NAT1: variants seen among roughly 807,000 people sequenced by gnomAD.
NAT1 encodes N-acetyltransferase 1.
For synonymous variants in NAT1, 144 were observed against 122.6 expected, an observed-to-expected ratio of 1.17 and a Z score of -1.16; for missense variants, 400 against 339.2, an observed-to-expected ratio of 1.18 and a Z score of -1.41.
chr8:18,223,129 T>G lies in NAT1; in HGVS notation c.*209T>G. On this transcript the variant is annotated 3_prime_UTR_variant, in exon 3 of 3. Transcript: ENST00000307719. ...CCTTTTCAAATAATAATAATAATAA[T>G]AATAAAAAATGTATTTTAAAGATGG... 5.0e-6 allele frequency: 1 copy of G among 201,184 alleles called. No individual in the cohort carries two copies. The highest frequency in any genetic ancestry group is 1.1e-5 in the Non-Finnish European group (1 of 92,934). 12.5% of individuals were successfully genotyped at this position (201,184 alleles called of 1,614,324 possible).
rs1805062297 is a variant in NAT1, at chr8:18,219,483, A to G, written c.-13A>G. Reference sequence around the variant, plus strand: ...AAGATCAACCTACTTTCAACTTACTAAGAAAGGTATTAAGCGCCTTTCTGA... The same window carrying G: ...AAGATCAACCTACTTTCAACTTACTGAGAAAGGTATTAAGCGCCTTTCTGA... On this transcript the variant is annotated 5_prime_UTR_variant, in exon 2 of 3. Coordinates refer to ENST00000307719, the MANE Select transcript of NAT1 (RefSeq NM_000662.8). 6.5e-7 allele frequency: 1 copy of G among 1,547,312 alleles called. No homozygotes were observed. The highest frequency in any genetic ancestry group is 2.0e-5 in the Admixed American group (1 of 50,708).
chr8:18,221,695 A>G, intron 2 of NAT1: 1 of 207,780 alleles, frequency 4.8e-6, no homozygotes, highest in East Asian at 1.3e-4. Context: ...TCCTGCCTAC[A>G]TCAGAAGACG....
chr8:18,198,845 C>T (rs1420179742), intron 2 of NAT1, among the ~76,000 whole-genome samples: 2 of 152,062 alleles, frequency 1.3e-5, no homozygotes, highest in African/African-American at 4.8e-5. Flanking sequence ...CAGCTTGCAG[C>T]AGATGTGAAA....
chr8:18,206,365 G>A (rs549468575), upstream of NAT1, among the ~76,000 whole-genome samples: 70 of 152,200 alleles, frequency 4.6e-4, no homozygotes, highest in African/African-American at 1.5e-3. Flanking sequence ...CAGTCATCTC[G>A]GTCCCTTGGT....
chr8:18,185,859 T>C (rs561385952), intron 2 of NAT1, among the ~76,000 whole-genome samples: 2 of 152,308 alleles, frequency 1.3e-5, no homozygotes, highest in South Asian at 4.1e-4. Context: ...CATTTTGTTA[T>C]ACTTTCAAAA....
intron 2 of NAT1, among the ~76,000 whole-genome samples, chr8:18,172,943 A>G (rs559511060): frequency 6.6e-6 from 1 of 152,272 alleles, no homozygotes; most frequent in Admixed American, 6.5e-5. Flanking sequence ...GTGCCCCTGT[A>G]GAAGAACAAA....
At chr8:18,175,205 T>A (rs1335882049) in intron 2 of NAT1, among the ~76,000 whole-genome samples, 1 of 152,064 alleles carries the variant, frequency 6.6e-6, no homozygotes, top group Non-Finnish European at 1.5e-5. Context: ...ATTGCTTTTT[T>A]TTTGGTGTGA....
intron 2 of NAT1, among the ~76,000 whole-genome samples, chr8:18,186,615 C>T (rs949521578): frequency 2.0e-5 from 3 of 152,020 alleles, no homozygotes; most frequent in African/African-American, 7.2e-5. Flanking sequence ...TTTTTATTTT[C>T]CCATATGTAC....
At chr8:18,185,941 A>G (rs1352770398) in intron 2 of NAT1, among the ~76,000 whole-genome samples, 1 of 152,116 alleles carries the variant, frequency 6.6e-6, no homozygotes, top group African/African-American at 2.4e-5. Flanking sequence ...AAATTTACAA[A>G]TATTTAGAAA....
intron 2 of NAT1, among the ~76,000 whole-genome samples, chr8:18,173,419 C>T (rs532814500): frequency 5.9e-5 from 9 of 152,180 alleles, no homozygotes; most frequent in African/African-American, 1.9e-4. Flanking sequence ...ATTAAAAAAC[C>T]TCCAACATAT....
chr8:18,223,681 G>GCC lies in NAT1; in HGVS notation c.*767_*768dup, dbSNP rs1331307107. ...TAAAAGTTATTGTTCCATCTTGCTT[G>GCC]CCCCCCCACCCCTGTCATCTGCCTG... On this transcript the variant is annotated 3_prime_UTR_variant, in exon 3 of 3. Coordinates refer to ENST00000307719, the MANE Select transcript of NAT1 (RefSeq NM_000662.8). The GCC allele has an allele frequency of 1.9e-5, 3 of 159,156 alleles. No homozygotes were observed. Among genetic ancestry groups the GCC allele is most frequent in the African/African-American group, 7.5e-5 (3 of 40,170 alleles). The allele number at this position is 159,156 out of a possible 1,614,324, so 9.9% of individuals were successfully genotyped here. A position where few individuals can be genotyped will look rare whatever the true frequency, so the allele number is the denominator to read the frequency against.
intron 2 of NAT1, among the ~76,000 whole-genome samples, chr8:18,191,808 C>G (rs940494012): frequency 6.6e-6 from 1 of 150,644 alleles, no homozygotes; most frequent in Non-Finnish European, 1.5e-5. Flanking sequence ...GAAACTGGAT[C>G]CCTTCCTTAC....
At chr8:18,215,706 TC>T (rs1214516034) in intron 1 of NAT1, among the ~76,000 whole-genome samples, 1 of 152,210 alleles carries the variant, frequency 6.6e-6, no homozygotes, top group Non-Finnish European at 1.5e-5. Flanking sequence ...TTTCTTCTAA[TC>T]CCAATCTCAC....
At chr8:18,190,574 C>G (rs1471174483) in intron 2 of NAT1, among the ~76,000 whole-genome samples, 1 of 152,194 alleles carries the variant, frequency 6.6e-6, no homozygotes, top group Non-Finnish European at 1.5e-5. Context: ...CTGCTTTCCT[C>G]TTTCAGCTGT....
upstream of NAT1, among the ~76,000 whole-genome samples, chr8:18,205,129 C>A (rs1480834080): frequency 6.6e-6 from 1 of 152,290 alleles, no homozygotes; most frequent in Middle Eastern, 3.4e-3. Context: ...TTTCATAGTG[C>A]GGTTACAGCA....
rs1023018813 is a variant in NAT1 at position 18,189,332 on chromosome 8, A to C, written n.92+18593A>C. ...ACTGTGCTAGCTACTTTATGTTTGTAATCTGCTTTAATCATTCCTGCAAGG... is the reference window on the plus strand; with the variant it reads ...ACTGTGCTAGCTACTTTATGTTTGTCATCTGCTTTAATCATTCCTGCAAGG... On this transcript the variant is annotated intron_variant and non_coding_transcript_variant, in intron 2 of 4. Transcript: ENST00000517441. Among the ~76,000 whole-genome samples the C allele has an allele frequency of 6.6e-5, 10 of 152,280 alleles. No individual in the cohort carries two copies. In the South Asian group the frequency reaches 1.9e-3, roughly 28 times the overall value.
intron 2 of NAT1, among the ~76,000 whole-genome samples, chr8:18,179,723 T>C (rs569708111): frequency 7.0e-6 from 1 of 143,244 alleles, no homozygotes; most frequent in Non-Finnish European, 1.6e-5. Context: ...TAGTCAATCA[T>C]AGTACTAGGG....
At chr8:18,198,051 C>G (rs1001287483) in intron 2 of NAT1, among the ~76,000 whole-genome samples, 2 of 151,758 alleles carry the variant, frequency 1.3e-5, no homozygotes, top group African/African-American at 4.8e-5. Flanking sequence ...AAAAGTAAAC[C>G]CAAAACAAAT....
At chr8:18,200,135 A>G (rs929284893) in intron 2 of NAT1, among the ~76,000 whole-genome samples, 31 of 152,328 alleles carry the variant, frequency 2.0e-4, no homozygotes, top group African/African-American at 7.0e-4. Flanking sequence ...CAGCCTGGTG[A>G]TTGCTCAAAC....
Sources: allele counts gnomAD v4.1 joint callset (sites outside exome capture counted in the v4.1 genomes callset), GRCh38; gene constraint gnomAD v4.1.1; transcripts MANE v1.5; gene names NCBI Gene and HGNC (gene_info 2026-07-23, HGNC 2026-07-21).